SULF1: variants seen among roughly 807,000 people sequenced by gnomAD.
The protein encoded by SULF1 is sulfatase 1, also known as extracellular sulfatase Sulf-1.
SULF1 carries 46 observed loss-of-function variants against 110.5 expected under a neutral mutation model. That is an observed-to-expected ratio of 0.42 (90% confidence interval 0.33 to 0.53). The LOEUF (loss-of-function observed/expected upper bound fraction) is 0.53. SULF1 is among the 20% of genes least tolerant of loss of function. The pLI is 0.12. For missense variants in SULF1, 941 were observed against 1,094.2 expected, an observed-to-expected ratio of 0.86 and a Z score of 1.98; for synonymous variants, 371 against 387.1, an observed-to-expected ratio of 0.96 and a Z score of 0.49.
chr8:69,612,222 A>G (rs1315200454), intron 13 of SULF1, among the ~76,000 whole-genome samples: 1 of 152,150 alleles, frequency 6.6e-6, no homozygotes, highest in Non-Finnish European at 1.5e-5. Flanking sequence ...TGGTGTATAT[A>G]TACCACATTT....
intron 6 of SULF1, among the ~76,000 whole-genome samples, chr8:69,576,736 T>C (rs576565462): frequency 6.6e-6 from 1 of 152,342 alleles, no homozygotes; most frequent in East Asian, 1.9e-4. Flanking sequence ...CCTCCCAGCA[T>C]GTAGATGATG....
chr8:69,652,824 G>A (rs1237352208), intron 22 of SULF1, among the ~76,000 whole-genome samples: 2 of 152,146 alleles, frequency 1.3e-5, no homozygotes, highest in African/African-American at 4.8e-5. Flanking sequence ...TTTTCTGTCC[G>A]TCGCTTTTCT....
intron 19 of SULF1, among the ~76,000 whole-genome samples, chr8:69,636,491 C>G (rs1419000427): frequency 6.6e-6 from 1 of 151,656 alleles, no homozygotes; most frequent in African/African-American, 2.4e-5. Flanking sequence ...GAGCCGAGAT[C>G]GCTCCACTGC....
At position 69,646,379 on chromosome 8, in the gene SULF1, T is replaced by C. The variant is rs62512188; in HGVS notation, c.2585+5538T>C. On this transcript the variant is annotated intron_variant, in intron 22 of 22. Coordinates refer to ENST00000402687, the MANE Select transcript of SULF1 (RefSeq NM_001128205.2). ...CTGAATGCTTTCGTATATTAATGTA[T>C]GTAACCCTCTCGATAACTTCGTGAG... 3.5e-3 allele frequency among the ~76,000 whole-genome samples: 531 copies of C among 152,298 alleles called. 5 individuals are homozygous for C. Among genetic ancestry groups the C allele is most frequent in the Middle Eastern group, 0.01 (3 of 294 alleles).
At chr8:69,642,095 C>A (rs146279176) in intron 22 of SULF1, 1 of 446,196 alleles carries the variant, frequency 2.2e-6, no homozygotes, top group Non-Finnish European at 3.0e-6. Flanking sequence ...GAAAAACATC[C>A]GTCAAAGAAA....
chr8:69,596,436 T>G (rs564748286), intron 8 of SULF1, among the ~76,000 whole-genome samples: 6 of 152,182 alleles, frequency 3.9e-5, no homozygotes, highest in Non-Finnish European at 8.8e-5. Flanking sequence ...GCATCCAGTG[T>G]GCCTAGAAGG....
intron 22 of SULF1, among the ~76,000 whole-genome samples, chr8:69,649,955 G>A (rs919883390): frequency 2.0e-5 from 2 of 98,652 alleles, no homozygotes; most frequent in Non-Finnish European, 3.8e-5. Context: ...CTCCCACTCT[G>A]TAATTCCTCC....
chr8:69,509,670 G>A (rs765309734), intron 3 of SULF1, among the ~76,000 whole-genome samples: 18 of 152,168 alleles, frequency 1.2e-4, no homozygotes, highest in Non-Finnish European at 1.9e-4. Context: ...AGCAGCCAGA[G>A]ACAAAAAATG....
intron 6 of SULF1, among the ~76,000 whole-genome samples, chr8:69,576,712 C>T (rs750665270): frequency 6.6e-6 from 1 of 152,150 alleles, no homozygotes; most frequent in Admixed American, 6.5e-5. Context: ...GTAATATTAG[C>T]CCCAAGGCCC....
intron 3 of SULF1, among the ~76,000 whole-genome samples, chr8:69,522,576 C>T (rs1464191128): frequency 1.3e-5 from 2 of 152,124 alleles, no homozygotes; most frequent in Admixed American, 6.6e-5. Flanking sequence ...AAGTCATTAG[C>T]ATAATGTCAA....
chr8:69,519,977 G>T (rs1475247206), intron 3 of SULF1, among the ~76,000 whole-genome samples: 2 of 152,080 alleles, frequency 1.3e-5, no homozygotes, highest in African/African-American at 4.8e-5. Flanking sequence ...TGTACAAGAG[G>T]TTTCGTATAA....
intron 14 of SULF1, among the ~76,000 whole-genome samples, chr8:69,622,916 A>T (rs775585042): frequency 1.3e-5 from 2 of 152,194 alleles, no homozygotes; most frequent in Non-Finnish European, 2.9e-5. Flanking sequence ...TGCAGGATTC[A>T]GCTGAGAGGT....
intron 7 of SULF1, among the ~76,000 whole-genome samples, chr8:69,588,666 A>G (rs1295316334): frequency 6.6e-6 from 1 of 152,178 alleles, no homozygotes; most frequent in Non-Finnish European, 1.5e-5. Flanking sequence ...TAGTACTTTT[A>G]TCGCCAGATT....
intron 6 of SULF1, among the ~76,000 whole-genome samples, chr8:69,582,772 T>C (rs1244817000): frequency 2.0e-5 from 3 of 152,046 alleles, no homozygotes; most frequent in Non-Finnish European, 4.4e-5. Flanking sequence ...GGCTTGAGGC[T>C]GTTAAGTGCA....
At chr8:69,655,860 C>T (rs1021636213) in intron 22 of SULF1, among the ~76,000 whole-genome samples, 5 of 152,184 alleles carry the variant, frequency 3.3e-5, no homozygotes, top group African/African-American at 1.2e-4. Flanking sequence ...TTATTTCTAG[C>T]GTGTCCTATA....
intron 13 of SULF1, among the ~76,000 whole-genome samples, chr8:69,616,100 C>T (rs973166450): frequency 5.1e-5 from 7 of 136,846 alleles, no homozygotes; most frequent in African/African-American, 1.6e-4. Flanking sequence ...TATATATACA[C>T]ACATATATGT....
At chr8:69,646,390 C>T (rs139433105) in intron 22 of SULF1, among the ~76,000 whole-genome samples, 55 of 151,720 alleles carry the variant, frequency 3.6e-4, no homozygotes, top group African/African-American at 1.1e-3. Context: ...GTAACCCTCT[C>T]GATAACTTCG....
At chr8:69,469,572 T>C (rs1808999395) in intron 1 of SULF1, among the ~76,000 whole-genome samples, 1 of 152,228 alleles carries the variant, frequency 6.6e-6, no homozygotes, top group Admixed American at 6.5e-5. Flanking sequence ...TACTCTGTTT[T>C]CCTTCTAAGA....
intron 19 of SULF1, among the ~76,000 whole-genome samples, chr8:69,631,718 C>T (rs1810564250): frequency 6.6e-6 from 1 of 152,344 alleles, no homozygotes; most frequent in Non-Finnish European, 1.5e-5. Context: ...CGCCATGGGG[C>T]CTTTGCACTT....
Sources: allele counts gnomAD v4.1 joint callset (sites outside exome capture counted in the v4.1 genomes callset), GRCh38; gene constraint gnomAD v4.1.1; transcripts MANE v1.5; gene names NCBI Gene and HGNC (gene_info 2026-07-23, HGNC 2026-07-21).